FREM3: variants seen among roughly 807,000 people sequenced by gnomAD.
FREM3 encodes the protein FRAS1 related extracellular matrix 3, also known as FRAS1-related extracellular matrix protein 3.
Under a neutral mutation model 129.1 loss-of-function variants are expected in FREM3, and 105 were observed. The ratio of observed to expected loss-of-function variants is 0.81; its 90% CI spans 0.69 to 0.96. The LOEUF is 0.96. Ranked by LOEUF, FREM3 falls within the 40% of genes least tolerant of loss-of-function variation. The pLI is 0.00. For missense variants in FREM3, 2,593 were observed against 2,666.3 expected, an observed-to-expected ratio of 0.97 and a Z score of 0.61; for synonymous variants, 1,014 against 1,044.9, an observed-to-expected ratio of 0.97 and a Z score of 0.57.
intron 2 of FREM3, among the ~76,000 whole-genome samples, chr4:143,635,834 G>C (rs1739224069): frequency 6.6e-6 from 1 of 152,152 alleles, no homozygotes; most frequent in South Asian, 2.1e-4. Flanking sequence ...GAGAAAATCA[G>C]AGTTTACAAG....
At chr4:143,669,056 G>A (rs78308976) in intron 2 of FREM3, among the ~76,000 whole-genome samples, 2,674 of 152,198 alleles carry the variant, frequency 0.018, 29 homozygotes, top group Middle Eastern at 0.037. Context: ...AGTCATTTAC[G>A]TATTGAAACA....
intron 2 of FREM3, among the ~76,000 whole-genome samples, chr4:143,634,395 G>C (rs1286409921): frequency 6.6e-6 from 1 of 152,070 alleles, no homozygotes; most frequent in Admixed American, 6.6e-5. Context: ...TGTGGAGTTG[G>C]ATAAGAAGAT....
chr4:143,588,386 C>T (rs1278719997), intron 6 of FREM3, among the ~76,000 whole-genome samples: 1 of 151,684 alleles, frequency 6.6e-6, no homozygotes, highest in Admixed American at 6.6e-5. Context: ...AATGCTATCC[C>T]TCCCCCATCC....
chr4:143,694,223 G>C (rs1480115255), intron 1 of FREM3, among the ~76,000 whole-genome samples: 1 of 152,190 alleles, frequency 6.6e-6, no homozygotes, highest in Non-Finnish European at 1.5e-5. Flanking sequence ...GCCCAGCAAG[G>C]AGGGCAGTCT....
At chr4:143,608,364 G>C (rs17017956) in intron 6 of FREM3, among the ~76,000 whole-genome samples, 9,367 of 152,214 alleles carry the variant, frequency 0.062, 791 homozygotes, top group African/African-American at 0.2. Context: ...AGTCACCTCA[G>C]TTCTGAGCAT....
chr4:143,696,680 G>C lies in FREM3; in HGVS notation c.3996C>G (p.Ala1332=), dbSNP rs967668901. 1 of 1,537,698 alleles carries C rather than the reference G, an allele frequency of 6.5e-7. No individual in the cohort carries two copies. Among genetic ancestry groups the C allele is most frequent in the Non-Finnish European group, 8.7e-7 (1 of 1,147,044 alleles). ...TTTTATCATCTGAGTCAAGATCTGTGGCCTTGAGGATCCGATTTGTGATGA... is the reference window on the plus strand; with the variant it reads ...TTTTATCATCTGAGTCAAGATCTGTCGCCTTGAGGATCCGATTTGTGATGA... ...SEIITNRILK[A]TDLDSDDKSL... is the part of the protein sequence containing the mutation. The change falls in exon 1 of 8, where the codon GCC becomes GCG. Residue 1332 remains alanine, a synonymous_variant. Coordinates refer to ENST00000329798, the MANE Select transcript of FREM3 (RefSeq NM_001168235.2).
At chr4:143,624,586 A>G (rs1427892529) in intron 3 of FREM3, among the ~76,000 whole-genome samples, 8 of 152,218 alleles carry the variant, frequency 5.3e-5, no homozygotes. Flanking sequence ...AATCTTATTT[A>G]ACTTATTTAT....
rs1738939687 is a variant in FREM3, at chr4:143,621,076, C to A, written c.5740G>T (p.Ala1914Ser). 1 of 1,537,292 alleles carries A rather than the reference C, an allele frequency of 6.5e-7. No homozygotes were observed. Among genetic ancestry groups the A allele is most frequent in the East Asian group, 2.4e-5 (1 of 40,914 alleles). ...LLIPVRRSGDASQELIVICST... is the reference protein window; with the variant it reads ...LLIPVRRSGDSSQELIVICST... ...CAAATGACGATTAGTTCCTGGCTTG[C>A]ATCTCCAGATCGTCTTACTGGAATC... Residue 1914 changes from alanine (A) to serine (S), a missense_variant, in exon 5 of 8, where the codon GCA becomes TCA. This residue lies in a region of FREM3 where 317 missense variants were observed against 399.0 expected (regional missense o/e 0.79). Coordinates refer to ENST00000329798, the MANE Select transcript of FREM3 (RefSeq NM_001168235.2).
intron 7 of FREM3, among the ~76,000 whole-genome samples, chr4:143,578,475 A>G (rs1738078676): frequency 6.6e-6 from 1 of 152,238 alleles, no homozygotes; most frequent in Admixed American, 6.5e-5. Flanking sequence ...ATAAAAATAA[A>G]TCGAGGAACA....
Position 143,697,122 on chromosome 4 carries a change from A to G in FREM3, c.3554T>C (p.Ile1185Thr). ...CTGCTCATCATTGGTGGGTAGGATG[A>G]TTATAGGGAAGAAGACATTTGGGGA... ...NFSPNVFFPI[I>T]ILPTNDEQPK... Residue 1185 changes from isoleucine to threonine, a missense_variant, in exon 1 of 8, where the codon ATC becomes ACC. Coordinates refer to ENST00000329798, the MANE Select transcript of FREM3 (RefSeq NM_001168235.2). The G allele has an allele frequency of 6.5e-7, 1 of 1,537,864 alleles. No homozygotes were observed. The highest frequency in any genetic ancestry group is 8.7e-7 in the Non-Finnish European group (1 of 1,147,046).
intron 2 of FREM3, among the ~76,000 whole-genome samples, chr4:143,663,905 G>T (rs1020542450): frequency 6.6e-6 from 1 of 151,882 alleles, no homozygotes; most frequent in African/African-American, 2.4e-5. Flanking sequence ...CATTCTTCAC[G>T]TAGTTCTCGA....
rs534458713 is a variant in FREM3 at position 143,690,106 on chromosome 4, T to C, written c.5275+3007A>G. Among the ~76,000 whole-genome samples the C allele has an allele frequency of 1.4e-4, 21 of 151,978 alleles. 1 individual carries two copies. In the South Asian group the frequency reaches 4.4e-3, roughly 32 times the overall value. On this transcript the variant is annotated intron_variant, in intron 2 of 7. Transcript: ENST00000329798. ...ATTTTGGATTTCTGAACTCCAGAGC[T>C]GTAAGATGACAGATTTGCGTTGGTT...
chr4:143,651,922 C>T (rs570278717), intron 2 of FREM3, among the ~76,000 whole-genome samples: 10 of 152,212 alleles, frequency 6.6e-5, no homozygotes, highest in African/African-American at 2.4e-4. Flanking sequence ...TCAATGGACT[C>T]ATTCTTGGAG....
In FREM3 at chr4:143,621,085, A is replaced by T; in HGVS notation, c.5731T>A (p.Ser1911Thr). The T allele has an allele frequency of 6.5e-7, 1 of 1,537,148 alleles. No homozygotes were observed. The highest frequency in any genetic ancestry group is 8.7e-7 in the Non-Finnish European group (1 of 1,146,780). The change falls in exon 5 of 8, where the codon TCT becomes ACT. Residue 1911 changes from serine to threonine, a missense_variant. Transcript: ENST00000329798. ...IGELLIPVRR[S>T]GDASQELIVI... The stretch of plus-strand genomic sequence containing the variant: ...ATTAGTTCCTGGCTTGCATCTCCAG[A>T]TCGTCTTACTGGAATCAAAAGTTCC...
intron 6 of FREM3, among the ~76,000 whole-genome samples, chr4:143,609,719 C>T (rs1339043325): frequency 2.0e-5 from 3 of 152,168 alleles, no homozygotes; most frequent in East Asian, 1.9e-4. Flanking sequence ...AGAGTGTCCT[C>T]ATTTCTCAAT....
chr4:143,687,376 C>T lies in FREM3; in HGVS notation c.5275+5737G>A, dbSNP rs6839104. On this transcript the variant is annotated intron_variant, in intron 2 of 7. Transcript: ENST00000329798. ...AAAAAATTACCACCATCACCACTGA[C>T]GACAATAACAAAAAATCCAGGACCA... Among the ~76,000 whole-genome samples, 81 of 152,012 alleles carry T rather than the reference C, an allele frequency of 5.3e-4. 1 individual carries two copies. The highest frequency in any genetic ancestry group is 1.9e-3 in the African/African-American group (78 of 41,500).
At chr4:143,597,335 G>A (rs1474193411) in intron 6 of FREM3, among the ~76,000 whole-genome samples, 2 of 152,064 alleles carry the variant, frequency 1.3e-5, no homozygotes, top group Non-Finnish European at 2.9e-5. Context: ...AAAACACATC[G>A]TATGAAACTT....
At chr4:143,589,359 T>G (rs1007477648) in intron 6 of FREM3, among the ~76,000 whole-genome samples, 8 of 152,164 alleles carry the variant, frequency 5.3e-5, no homozygotes, top group African/African-American at 1.9e-4. Context: ...TTTTCTAGGG[T>G]TTTTATGGTT....
rs1191345138 is a variant in FREM3, at chr4:143,698,304, T to G, written c.2372A>C (p.Gln791Pro). ...AACCCGTGGTGCAATACCCAATTTC[T>G]GTGGAGGCTGGTAGGCAACTTTATG... ...NQHKVAYQPP[Q>P]KLGIAPRVVQ... The change falls in exon 1 of 8, where the codon CAG (glutamine) becomes CCG (proline). Residue 791 changes from glutamine (Q) to proline (P), a missense_variant. Physicochemically the swap from Gln to Pro is moderately conservative, Grantham distance 76. Transcript: ENST00000329798. 2.0e-6 allele frequency: 3 copies of G among 1,537,754 alleles called. No individual in the cohort carries two copies. Among genetic ancestry groups the G allele is most frequent in the Non-Finnish European group, 2.6e-6 (3 of 1,147,028 alleles).
Sources: gnomAD v4.1 joint callset for allele counts (sites outside exome capture counted in the v4.1 genomes callset) on GRCh38, gnomAD v4.1.1 for gene constraint, gnomAD v4.1.1 regional missense constraint, MANE v1.5 for transcripts, NCBI Gene and HGNC (gene_info 2026-07-23, HGNC 2026-07-21) for gene names.